Variants in RNF38 observed in about 807,000 individuals in gnomAD.
RNF38 encodes E3 ubiquitin-protein ligase RNF38.
In RNF38, 15 loss-of-function variants were observed where a neutral mutation model predicts 67.2. The ratio of observed to expected loss-of-function variants is 0.22; its 90% CI spans 0.15 to 0.34. The LOEUF is 0.34. RNF38 is among the 10% of genes least tolerant of loss of function. The pLI is 1.00. For synonymous variants in RNF38, 220 were observed against 218.8 expected, an observed-to-expected ratio of 1.01 and a Z score of -0.05; for missense variants, 524 against 639.9, an observed-to-expected ratio of 0.82 and a Z score of 1.95.
chr9:36,422,857 CA>C (rs1413223829), intron 2 of RNF38, among the ~76,000 whole-genome samples: 1 of 151,900 alleles, frequency 6.6e-6, no homozygotes, highest in East Asian at 1.9e-4. Context: ...AATTAGAAAA[CA>C]AAAACATTTT....
intron 1 of RNF38, among the ~76,000 whole-genome samples, chr9:36,428,730 G>A (rs1838853295): frequency 6.6e-6 from 1 of 152,136 alleles, no homozygotes; most frequent in South Asian, 2.1e-4. Context: ...CAAAGCTGGG[G>A]GAAGTGACCT....
intron 2 of RNF38, among the ~76,000 whole-genome samples, chr9:36,379,042 A>C (rs999403515): frequency 6.6e-6 from 1 of 151,998 alleles, no homozygotes; most frequent in East Asian, 1.9e-4. Context: ...CTGGGATTAC[A>C]GGCATGCACC....
At chr9:36,385,788 A>T (rs1031770745) in intron 2 of RNF38, among the ~76,000 whole-genome samples, 1 of 152,210 alleles carries the variant, frequency 6.6e-6, no homozygotes. Flanking sequence ...TGGTCAACAG[A>T]AAGGGCCCAG....
upstream of RNF38, chr9:36,400,477 C>G: frequency 8.8e-6 from 9 of 1,017,482 alleles, no homozygotes; most frequent in Non-Finnish European, 9.4e-6. Flanking sequence ...AAGACTCGGG[C>G]GCGGCCCCGC....
intron 1 of RNF38, among the ~76,000 whole-genome samples, chr9:36,437,390 C>G (rs990605865): frequency 2.6e-5 from 4 of 152,152 alleles, no homozygotes; most frequent in Non-Finnish European, 4.4e-5. Flanking sequence ...GTTATAGTTA[C>G]TGGGTATCTC....
chr9:36,400,063 T>C (rs769775384), intron 1 of RNF38, 34 bp downstream of exon 1: 6 of 1,600,430 alleles, frequency 3.7e-6, no homozygotes, highest in South Asian at 2.2e-5. Context: ...TAATAGCATA[T>C]ATCATTTTTG....
rs1174045202 is a variant in RNF38, at chr9:36,339,491, C to A, written c.*261G>T. On this transcript the variant is annotated 3_prime_UTR_variant, in exon 12 of 12. Transcript: ENST00000259605. ...ACACTCGGAATGATCACACAAAAAC[C>A]AGGGAATGTTAGTGCACACACAAAA... The A allele has an allele frequency of 4.6e-6, 2 of 430,266 alleles. No homozygotes were observed. The highest frequency in any genetic ancestry group is 3.7e-5 in the Admixed American group (1 of 27,172). The allele number at this position is 430,266 out of a possible 1,614,324, so 26.7% of individuals were successfully genotyped here.
intron 9 of RNF38, among the ~76,000 whole-genome samples, chr9:36,348,126 G>A (rs1833429712): frequency 6.6e-6 from 1 of 152,012 alleles, no homozygotes; most frequent in African/African-American, 2.4e-5. Context: ...AGAAAGGCAT[G>A]TCAAAGCGGA....
chr9:36,357,504 A>G (rs556332444), intron 5 of RNF38, among the ~76,000 whole-genome samples: 1 of 152,316 alleles, frequency 6.6e-6, no homozygotes, highest in Admixed American at 6.5e-5. Context: ...ATATCCAAAT[A>G]TATGTATAAG....
chr9:36,460,794 G>A (rs1350858409), intron 1 of RNF38, among the ~76,000 whole-genome samples: 1 of 144,216 alleles, frequency 6.9e-6, no homozygotes, highest in East Asian at 2.1e-4. Flanking sequence ...GGCTGAGGCA[G>A]AAGAATCGCT....
chr9:36,370,046 A>G, intron 3 of RNF38, 114 bp from the exon 4 acceptor site: 2 of 812,608 alleles, frequency 2.5e-6, no homozygotes, highest in Non-Finnish European at 1.9e-6. Flanking sequence ...TTCATTATTA[A>G]ATAACTGCTA....
At chr9:36,457,442 G>A (rs1564070332) in intron 1 of RNF38, among the ~76,000 whole-genome samples, 1 of 152,190 alleles carries the variant, frequency 6.6e-6, no homozygotes, top group Non-Finnish European at 1.5e-5. Context: ...CTCCAACTGA[G>A]TTCTGCTTAC....
chr9:36,485,830 C>T (rs1840396708), intron 1 of RNF38, among the ~76,000 whole-genome samples: 1 of 152,164 alleles, frequency 6.6e-6, no homozygotes, highest in African/African-American at 2.4e-5. Context: ...AGCCTTACTT[C>T]CAAGACAATA....
chr9:36,352,935 A>C (rs933765014), intron 7 of RNF38, 87 bp from the exon 8 acceptor site: 17 of 1,003,176 alleles, frequency 1.7e-5, no homozygotes, highest in Non-Finnish European at 2.1e-5. Flanking sequence ...AAAAAGACTT[A>C]AACAGTAAAG....
At position 36,400,225 on chromosome 9, in the gene RNF38, A is replaced by G; in HGVS notation, c.-117T>C. The G allele has an allele frequency of 6.8e-7, 1 of 1,472,060 alleles. No homozygotes were observed. Among genetic ancestry groups the G allele is most frequent in the Non-Finnish European group, 9.0e-7 (1 of 1,111,210 alleles). The allele number at this position is 1,472,060 out of a possible 1,614,324, so 91.2% of individuals were successfully genotyped here. On this transcript the variant is annotated 5_prime_UTR_variant, in exon 1 of 12. Transcript: ENST00000259605. The stretch of plus-strand genomic sequence containing the variant: ...TGAAAGGAAGAACTTGCATCCCCTG[A>G]GAACAAAACGCAGCCTATCCAGAAA...
chr9:36,350,216 G>A (rs1833595279), intron 9 of RNF38, among the ~76,000 whole-genome samples: 1 of 152,184 alleles, frequency 6.6e-6, no homozygotes, highest in African/African-American at 2.4e-5. Context: ...TCTATTCGCA[G>A]TTCCTAAGGT....
chr9:36,384,910 C>G (rs1479088561), intron 2 of RNF38, among the ~76,000 whole-genome samples: 1 of 152,150 alleles, frequency 6.6e-6, no homozygotes, highest in African/African-American at 2.4e-5. Context: ...AGTGGTGGTT[C>G]AAGAAGTTCT....
At chr9:36,346,980 C>G (rs900810257) in intron 9 of RNF38, among the ~76,000 whole-genome samples, 2 of 151,868 alleles carry the variant, frequency 1.3e-5, no homozygotes, top group African/African-American at 4.8e-5. Context: ...ATTAGACAGG[C>G]ATGGTGGCGT....
intron 1 of RNF38, among the ~76,000 whole-genome samples, chr9:36,457,715 C>G (rs1249894870): frequency 6.6e-6 from 1 of 152,056 alleles, no homozygotes; most frequent in Non-Finnish European, 1.5e-5. Flanking sequence ...CAAGACCAGC[C>G]TGGCTAACAT....
Sources: gnomAD v4.1 joint callset for allele counts (sites outside exome capture counted in the v4.1 genomes callset) on GRCh38, gnomAD v4.1.1 for gene constraint, MANE v1.5 for transcripts, NCBI Gene and HGNC (gene_info 2026-07-23, HGNC 2026-07-21) for gene names.